The following USP47 variants were observed in gnomAD, a reference collection of about 807,000 sequenced individuals.
The protein encoded by USP47 is ubiquitin carboxyl-terminal hydrolase 47.
In USP47, 35 loss-of-function variants were observed where a neutral mutation model predicts 165.1. That is an observed-to-expected ratio of 0.21 (90% CI 0.16 to 0.28). The LOEUF (loss-of-function observed/expected upper bound fraction) is 0.28, where lower values mean the gene tolerates loss of function less well. Among genes scored for constraint, USP47 ranks in the 10% least tolerant of loss-of-function variants. USP47 has a pLI of 1.00. For synonymous variants in USP47, 531 were observed against 544.5 expected, an observed-to-expected ratio of 0.98 and a Z score of 0.35; for missense variants, 1,277 against 1,607.4, an observed-to-expected ratio of 0.79 and a Z score of 3.52.
chr11:11,864,137 CAAATT>C (rs1358630634), intron 1 of USP47, among the ~76,000 whole-genome samples: 6 of 151,918 alleles, frequency 3.9e-5, no homozygotes, highest in African/African-American at 1.4e-4. Flanking sequence ...TATATCCACT[CAAATT>C]ATATTAATTC....
chr11:11,925,726 A>T (rs945009022), intron 11 of USP47, among the ~76,000 whole-genome samples: 1 of 151,246 alleles, frequency 6.6e-6, no homozygotes, highest in African/African-American at 2.4e-5. Flanking sequence ...CTATTTGGAT[A>T]TCTTTTATTT....
chr11:11,873,074 A>G (rs1404542262), intron 1 of USP47, among the ~76,000 whole-genome samples: 2 of 152,204 alleles, frequency 1.3e-5, no homozygotes, highest in African/African-American at 4.8e-5. Flanking sequence ...AGATGAGATG[A>G]GAGCAATGGT....
chr11:11,851,141 C>T (rs1005277837), intron 1 of USP47, among the ~76,000 whole-genome samples: 1 of 152,178 alleles, frequency 6.6e-6, no homozygotes, highest in African/African-American at 2.4e-5. Context: ...AATTTCTCAT[C>T]TTTTGCCAGG....
At chr11:11,883,274 C>T (rs1327213360) in intron 2 of USP47, among the ~76,000 whole-genome samples, 6 of 152,230 alleles carry the variant, frequency 3.9e-5, no homozygotes, top group South Asian at 2.1e-4. Flanking sequence ...ATAATATATT[C>T]GCTGTTTTAT....
chr11:11,908,849 C>T (rs1820622633), intron 8 of USP47, among the ~76,000 whole-genome samples: 2 of 152,070 alleles, frequency 1.3e-5, no homozygotes, highest in South Asian at 4.1e-4. Context: ...AGATTGAGTT[C>T]TGTTCAATAC....
rs1350504981 is a variant in USP47, at chr11:11,940,454, T to C, written c.2219T>C (p.Met740Thr). 3 of 1,610,102 alleles carry C rather than the reference T, an allele frequency of 1.9e-6. No homozygotes were observed. Among genetic ancestry groups the C allele is most frequent in the South Asian group, 2.2e-5 (2 of 90,624 alleles). The change falls in exon 19 of 28, where the codon ATG (methionine) becomes ACG (threonine). Residue 740 changes from methionine to threonine, a missense_variant. Physicochemically the swap from Met to Thr is moderately conservative, Grantham distance 81 (BLOSUM62 -1). Transcript: ENST00000527733. ...GCCATCCATTTACCTGCTGAAACAA[T>C]GAGAATAGTGCTGGAACGCTGCTAC... is the stretch of plus-strand genomic sequence containing the variant. Reference protein sequence around the residue: ...SKAIHLPAETMRIVLERCYND... With the variant: ...SKAIHLPAETTRIVLERCYND...
chr11:11,930,265 A>G (rs1335367853), intron 13 of USP47, 145 bp downstream of exon 13: 1 of 695,374 alleles, frequency 1.4e-6, no homozygotes, highest in Admixed American at 2.8e-5. Context: ...TTTTGGAAAT[A>G]AAGTTTGAAC....
At chr11:11,904,636 T>G (rs1367756992) in intron 7 of USP47, among the ~76,000 whole-genome samples, 1 of 152,142 alleles carries the variant, frequency 6.6e-6, no homozygotes, top group Non-Finnish European at 1.5e-5. Context: ...GCATTCCTAC[T>G]GAGTTCCCAA....
intron 23 of USP47, 32 bp from the exon 24 acceptor site, chr11:11,950,332 T>C (rs1203295561): frequency 2.8e-6 from 4 of 1,414,156 alleles, no homozygotes; most frequent in Middle Eastern, 1.8e-4. Context: ...TTTCAAATTA[T>C]AGTCGTTTTA....
At chr11:11,853,232 T>C (rs548829432) in intron 1 of USP47, among the ~76,000 whole-genome samples, 2 of 152,320 alleles carry the variant, frequency 1.3e-5, no homozygotes, top group East Asian at 3.9e-4. Flanking sequence ...ATATATATAT[T>C]TAAATACCTA....
At chr11:11,890,192 A>G (rs1851423559) in intron 3 of USP47, among the ~76,000 whole-genome samples, 1 of 152,214 alleles carries the variant, frequency 6.6e-6, no homozygotes, top group Admixed American at 6.5e-5. Flanking sequence ...AAAAGCAAAA[A>G]TTGACAAATG....
chr11:11,943,019 G>T lies in USP47; in HGVS notation c.2998G>T (p.Asp1000Tyr), dbSNP rs576997560. ...EEDSGTDSEY[D>Y]ESGKSRGEMQ... The stretch of plus-strand genomic sequence containing the variant: ...AGACTCTGGAACTGATAGTGAATAT[G>T]ATGAGAGTGGCAAGAGTAGGGGAGA... Residue 1000 changes from aspartate to tyrosine, a missense_variant, in exon 20 of 28, where the codon GAT becomes TAT. This residue lies in a region of USP47 where 909 missense variants were observed against 1,068.1 expected (regional missense o/e 0.85). Coordinates refer to ENST00000527733, the MANE Select transcript of USP47 (RefSeq NM_001282659.2). 1 of 1,613,560 alleles carries T rather than the reference G, an allele frequency of 6.2e-7. No individual in the cohort carries two copies. The highest frequency in any genetic ancestry group is 2.2e-5 in the East Asian group (1 of 44,866).
At chr11:11,889,900 C>G (rs1190520776) in intron 3 of USP47, among the ~76,000 whole-genome samples, 3 of 152,014 alleles carry the variant, frequency 2.0e-5, no homozygotes, top group African/African-American at 7.2e-5. Flanking sequence ...GAAATAAGAC[C>G]ACACATCTAC....
In USP47 at chr11:11,936,296, CT is replaced by C. The variant is rs1564887621; in HGVS notation, c.1870-3del. 2 of 1,492,162 alleles carry C rather than the reference CT, an allele frequency of 1.3e-6. No homozygotes were observed. Among genetic ancestry groups the C allele is most frequent in the Admixed American group, 1.9e-5 (1 of 52,100 alleles). The allele number at this position is 1,492,162 out of a possible 1,614,324, so 92.4% of individuals were successfully genotyped here. ...TTTTTTCTTTCTGGGGGATTACTTTCTTTTAGATGATGGATTTAGAAGAGGT... is the reference window on the plus strand; with the variant it reads ...TTTTTTCTTTCTGGGGGATTACTTTCTTTAGATGATGGATTTAGAAGAGGT... On this transcript the variant is annotated splice_polypyrimidine_tract_variant and splice_region_variant and intron_variant, in intron 16 of 27. Transcript: ENST00000527733.
chr11:11,928,263 A>C lies in USP47; in HGVS notation c.1387-1171A>C, dbSNP rs971778303. On this transcript the variant is annotated intron_variant, in intron 11 of 27. Transcript: ENST00000527733. ...TAACATGGGGTTACCACATTTCATA[A>C]GTTGTTCAATGCTTTAAACACATTT... Among the ~76,000 whole-genome samples, 4 of 152,184 alleles carry C rather than the reference A, an allele frequency of 2.6e-5. No individual in the cohort carries two copies. The East Asian group carries it at 7.7e-4, about 29-fold the overall frequency.
At chr11:11,927,189 A>G (rs537648853) in intron 11 of USP47, among the ~76,000 whole-genome samples, 8 of 151,394 alleles carry the variant, frequency 5.3e-5, no homozygotes, top group African/African-American at 1.7e-4. Flanking sequence ...TTGTTCCTCT[A>G]TAGGTAAGGT....
In USP47 at chr11:11,884,588, A is replaced by G; in HGVS notation, c.357+8A>G. 1.3e-6 allele frequency: 2 copies of G among 1,588,352 alleles called. No individual in the cohort carries two copies. The highest frequency in any genetic ancestry group is 1.7e-6 in the Non-Finnish European group (2 of 1,168,346). On this transcript the variant is annotated splice_region_variant and intron_variant, in intron 3 of 27. Coordinates refer to ENST00000527733, the MANE Select transcript of USP47 (RefSeq NM_001282659.2). ...CAACCTCAAATACTGCTGGTAAGCTACTTAGAAAGCCCCATATTTATAATT... is the reference window on the plus strand; with the variant it reads ...CAACCTCAAATACTGCTGGTAAGCTGCTTAGAAAGCCCCATATTTATAATT...
intron 2 of USP47, 46 bp downstream of exon 2, chr11:11,880,426 G>A: frequency 1.6e-6 from 2 of 1,215,948 alleles, no homozygotes; most frequent in Non-Finnish European, 2.1e-6. Context: ...TATAGCCATT[G>A]TTGTTGTTGT....
At chr11:11,913,991 C>T (rs1450325619) in intron 8 of USP47, among the ~76,000 whole-genome samples, 1 of 151,980 alleles carries the variant, frequency 6.6e-6, no homozygotes, top group Non-Finnish European at 1.5e-5. Context: ...TAATGCAGTT[C>T]CTGTCAAAGT....
Sources: allele counts gnomAD v4.1 joint callset (sites outside exome capture counted in the v4.1 genomes callset), GRCh38; gene constraint gnomAD v4.1.1; regional missense constraint gnomAD v4.1.1; transcripts MANE v1.5; gene names NCBI Gene and HGNC (gene_info 2026-07-23, HGNC 2026-07-21).